GPHN: variants seen among roughly 807,000 people sequenced by gnomAD.
The protein encoded by GPHN is gephyrin.
In GPHN, 17 loss-of-function variants were observed where a neutral mutation model predicts 95.5. The ratio of observed to expected loss-of-function variants is 0.18; its 90% CI spans 0.12 to 0.27. The LOEUF (loss-of-function observed/expected upper bound fraction) is 0.27. Among genes scored for constraint, GPHN ranks in the 10% least tolerant of loss-of-function variants. GPHN has a pLI of 1.00. For missense variants in GPHN, 660 were observed against 978.1 expected (o/e 0.67, Z 4.34); for synonymous variants, 320 against 322.5 (o/e 0.99, Z 0.08).
chr14:67,715,827 A>G, the GPHN span, among the ~76,000 whole-genome samples: 46 of 152,352 alleles, frequency 3.0e-4, 1 homozygote, highest in African/African-American at 1.1e-3. Flanking sequence ...TGTCTGCTTC[A>G]TGCAAACCTT....
At position 67,111,879 on chromosome 14, in the gene GPHN, G is replaced by A. The variant is rs1595186841; in HGVS notation, c.1432G>A (p.Val478Met). Reference sequence around the variant, plus strand: ...ATTATAGGGCACTGAAGAACTTGAAGTGCGAATTCTGGTGCAAGCTCGGCC... The same window carrying A: ...ATTATAGGGCACTGAAGAACTTGAAATGCGAATTCTGGTGCAAGCTCGGCC... ...ESDDGTEELE[V>M]RILVQARPGQ... Residue 478 changes from valine to methionine, a missense_variant, in exon 15 of 23, where the codon GTG (valine) becomes ATG (methionine). Val to Met is a conservative substitution (Grantham distance 21). This residue lies in a region of GPHN where 257 missense variants were observed against 376.2 expected (regional missense o/e 0.68). Coordinates refer to ENST00000478722, the MANE Select transcript of GPHN (RefSeq NM_020806.5). The A allele has an allele frequency of 6.2e-7, 1 of 1,613,418 alleles. No individual in the cohort carries two copies.
the GPHN span, among the ~76,000 whole-genome samples, chr14:67,463,638 C>CAAAAAAAA: frequency 1.8e-5 from 1 of 54,828 alleles, no homozygotes; most frequent in Non-Finnish European, 3.5e-5. Context: ...GACTCCGTCT[C>CAAAAAAAA]AAAAAAAAAA....
chr14:66,565,012 C>T (rs1326998678), intron 1 of GPHN, among the ~76,000 whole-genome samples: 1 of 152,082 alleles, frequency 6.6e-6, no homozygotes. Flanking sequence ...CCATGTTTTT[C>T]TCTCTTAGCT....
chr14:67,387,464 G>A, the GPHN span: 6 of 1,590,788 alleles, frequency 3.8e-6, no homozygotes, highest in Admixed American at 3.7e-5. Flanking sequence ...CCCCTAGGCA[G>A]AAAAAAGGGG....
In GPHN at chr14:66,958,048, G is replaced by A. The variant is rs973118303; in HGVS notation, c.829-7143G>A. ...CTTGGTGCCCAAAACATTGAGGACC[G>A]CTGTTCTATTGTACTTGTTGATCTA... On this transcript the variant is annotated intron_variant, in intron 8 of 22. Transcript: ENST00000478722. 1.4e-4 allele frequency among the ~76,000 whole-genome samples: 21 copies of A among 152,122 alleles called. 1 individual carries two copies. The highest frequency in any genetic ancestry group is 4.1e-4 in the South Asian group (2 of 4,828).
At chr14:67,137,584 T>G (rs1488931667) in intron 17 of GPHN, among the ~76,000 whole-genome samples, 2 of 152,024 alleles carry the variant, frequency 1.3e-5, no homozygotes, top group East Asian at 3.9e-4. Flanking sequence ...GGCAACATGG[T>G]GAAACCCTGT....
chr14:66,581,178 A>G (rs950772441), intron 1 of GPHN, among the ~76,000 whole-genome samples: 1 of 151,570 alleles, frequency 6.6e-6, no homozygotes, highest in South Asian at 2.1e-4. Flanking sequence ...AAGGTCATAT[A>G]TGATAGGCCC....
At chr14:66,844,679 C>T (rs750946397) in intron 4 of GPHN, among the ~76,000 whole-genome samples, 3 of 152,036 alleles carry the variant, frequency 2.0e-5, no homozygotes, top group Non-Finnish European at 4.4e-5. Context: ...AAAAAGGATG[C>T]TCTAGGGAAG....
At chr14:67,673,485 T>C in the GPHN span, among the ~76,000 whole-genome samples, 2 of 152,216 alleles carry the variant, frequency 1.3e-5, no homozygotes, top group African/African-American at 2.4e-5. Flanking sequence ...ATGGGGATGT[T>C]CGTATCTTTT....
chr14:67,055,786 T>C (rs1177606991), intron 10 of GPHN, among the ~76,000 whole-genome samples: 1 of 152,200 alleles, frequency 6.6e-6, no homozygotes, highest in Non-Finnish European at 1.5e-5. Context: ...TTCTTAAAGA[T>C]GGTGTGTCCG....
chr14:67,461,343 T>C, the GPHN span, among the ~76,000 whole-genome samples: 1 of 152,134 alleles, frequency 6.6e-6, no homozygotes. Flanking sequence ...GAACCTGGGA[T>C]TCAAACTCCA....
intron 1 of GPHN, among the ~76,000 whole-genome samples, chr14:66,571,291 G>A (rs2060680264): frequency 6.6e-6 from 1 of 152,052 alleles, no homozygotes; most frequent in Admixed American, 6.6e-5. Flanking sequence ...AACAGCATGG[G>A]GAAAACTGCC....
intron 13 of GPHN, 96 bp from the exon 14 acceptor site, chr14:67,110,044 G>C: frequency 9.2e-7 from 1 of 1,082,884 alleles, no homozygotes; most frequent in South Asian, 1.3e-5. Context: ...TTCTTTTATG[G>C]TTTATTTTTT....
In GPHN at chr14:66,893,026, G is replaced by A. The variant is rs190465728; in HGVS notation, c.389+12993G>A. Among the ~76,000 whole-genome samples, 708 of 152,212 alleles carry A rather than the reference G, an allele frequency of 4.7e-3. 18 individuals are homozygous for A. The highest frequency in any genetic ancestry group is 9.1e-4 in the Non-Finnish European group (62 of 68,004). On this transcript the variant is annotated intron_variant, in intron 5 of 22. Transcript: ENST00000478722. ...CTTCCAGACTCCAGTATGACAGGAG[G>A]TATACTGGGTTTCAAAAGACAAGTG...
chr14:67,578,271 A>T, the GPHN span: 22 of 1,383,716 alleles, frequency 1.6e-5, no homozygotes, highest in African/African-American at 8.5e-5. The surrounding 1 kb of genome is among the most constrained non-coding windows in gnomAD (Gnocchi z 5.0). Flanking sequence ...AGGTGGGAGG[A>T]GGTGACTGGG....
At chr14:67,215,970 A>G in the GPHN span, among the ~76,000 whole-genome samples, 2 of 152,192 alleles carry the variant, frequency 1.3e-5, no homozygotes, top group African/African-American at 2.4e-5. Flanking sequence ...CCTTTTAAAA[A>G]ATTGATGAAA....
chr14:66,588,227 A>C (rs1413626352), intron 1 of GPHN, among the ~76,000 whole-genome samples: 1 of 152,142 alleles, frequency 6.6e-6, no homozygotes, highest in African/African-American at 2.4e-5. Flanking sequence ...AAGAGACCCC[A>C]TCCTAAGGTC....
intron 21 of GPHN, among the ~76,000 whole-genome samples, chr14:67,169,307 G>T (rs2082462874): frequency 6.6e-6 from 1 of 152,074 alleles, no homozygotes; most frequent in South Asian, 2.1e-4. Flanking sequence ...GATACTTAAG[G>T]ACAAAACAGT....
At chr14:67,046,599 T>G (rs987453256) in intron 10 of GPHN, among the ~76,000 whole-genome samples, 3 of 152,220 alleles carry the variant, frequency 2.0e-5, no homozygotes, top group Non-Finnish European at 4.4e-5. Flanking sequence ...TTTATCATCT[T>G]TATGTACAGA....
Sources: gnomAD v4.1 joint callset for allele counts (sites outside exome capture counted in the v4.1 genomes callset) on GRCh38, gnomAD v4.1.1 for gene constraint, gnomAD v4.1.1 regional missense constraint, Gnocchi (gnomAD v3.1) non-coding constraint, MANE v1.5 for transcripts, NCBI Gene and HGNC (gene_info 2026-07-23, HGNC 2026-07-21) for gene names.